APBB1IP: variants seen among roughly 807,000 people sequenced by gnomAD.
APBB1IP encodes the protein amyloid beta A4 precursor protein-binding family B member 1-interacting protein.
A neutral mutation model predicts 64.9 loss-of-function variants in APBB1IP; 27 were observed. That is an observed-to-expected ratio of 0.42 (90% CI 0.31 to 0.57). The LOEUF is 0.57. Ranked by LOEUF, APBB1IP falls within the 20% of genes least tolerant of loss-of-function variation. The pLI is 0.20. For synonymous variants in APBB1IP, 392 were observed against 331.0 expected, an observed-to-expected ratio of 1.18 and a Z score of -2.00; for missense variants, 812 against 845.5, an observed-to-expected ratio of 0.96 and a Z score of 0.49.
intron 7 of APBB1IP, 72 bp downstream of exon 7, chr10:26,511,978 T>C: frequency 1.3e-6 from 2 of 1,504,648 alleles, no homozygotes; most frequent in African/African-American, 1.4e-5. Flanking sequence ...GGCTTGGGTT[T>C]ATTCTTTTTT....
chr10:26,466,166 C>T (rs1233345656), intron 2 of APBB1IP, among the ~76,000 whole-genome samples: 1 of 152,166 alleles, frequency 6.6e-6, no homozygotes, highest in East Asian at 1.9e-4. Context: ...GTGATGAGAT[C>T]CCCTTCTACA....
intron 2 of APBB1IP, among the ~76,000 whole-genome samples, chr10:26,479,609 A>T (rs1445023234): frequency 6.6e-6 from 1 of 152,232 alleles, no homozygotes; most frequent in Non-Finnish European, 1.5e-5. Flanking sequence ...AACAATAAAA[A>T]TAAAAATTGA....
chr10:26,520,233 C>T (rs1836386799), intron 8 of APBB1IP, among the ~76,000 whole-genome samples: 1 of 152,186 alleles, frequency 6.6e-6, no homozygotes, highest in South Asian at 2.1e-4. Context: ...GAAAGCCCTC[C>T]TCAGAAGCTT....
chr10:26,535,436 A>G lies in APBB1IP; in HGVS notation c.901-638A>G, dbSNP rs560542266. Among the ~76,000 whole-genome samples, 26 of 152,294 alleles carry G rather than the reference A, an allele frequency of 1.7e-4. No homozygotes were observed. The South Asian group carries it at 5.4e-3, about 32-fold the overall frequency. On this transcript the variant is annotated intron_variant, in intron 9 of 14. Coordinates refer to ENST00000376236, the MANE Select transcript of APBB1IP (RefSeq NM_019043.4). ...GAATTGGGTATCCATCCTCTCAAGC[A>G]TTTGTCCTTTGTATTACAAACAATC...
intron 6 of APBB1IP, among the ~76,000 whole-genome samples, chr10:26,504,864 C>T (rs571019349): frequency 6.0e-4 from 92 of 152,300 alleles, no homozygotes; most frequent in African/African-American, 2.0e-3. Flanking sequence ...AAGCAATCCT[C>T]CTCCCTCAGC....
intron 2 of APBB1IP, among the ~76,000 whole-genome samples, chr10:26,471,828 G>C (rs1011915233): frequency 7.9e-5 from 12 of 152,106 alleles, no homozygotes; most frequent in African/African-American, 2.9e-4. Context: ...AGGATGACAG[G>C]CACGTGCCAC....
chr10:26,559,395 T>C (rs1458283863), intron 11 of APBB1IP, among the ~76,000 whole-genome samples: 1 of 144,910 alleles, frequency 6.9e-6, no homozygotes, highest in African/African-American at 2.7e-5. Flanking sequence ...GAGACTCCAA[T>C]TCTACCAAAA....
Position 26,567,191 on chromosome 10 carries a change from C to A in APBB1IP, c.1704C>A (p.Leu568=). 7.1e-7 allele frequency: 1 copy of A among 1,404,766 alleles called. No homozygotes were observed. The allele number at this position is 1,404,766 out of a possible 1,614,324, so 87.0% of individuals were successfully genotyped here. Reference sequence around the variant, plus strand: ...CGCCGCCCCTCGATGACCCTGAGCTCCCGCCGCCGCCCCCGGACTTCATGG... The same window carrying A: ...CGCCGCCCCTCGATGACCCTGAGCTACCGCCGCCGCCCCCGGACTTCATGG... ...PPPPPLDDPE[L]PPPPPDFMEP... is the part of the protein sequence containing the mutation. The change falls in exon 15 of 15, where the codon CTC becomes CTA. Residue 568 remains leucine (L), a synonymous_variant. Transcript: ENST00000376236.
At chr10:26,561,375 T>C (rs991639282) in intron 13 of APBB1IP, among the ~76,000 whole-genome samples, 111 of 148,968 alleles carry the variant, frequency 7.5e-4, no homozygotes, top group African/African-American at 2.7e-3. Flanking sequence ...GCCTGTTTTC[T>C]TTTTCTTCTT....
intron 11 of APBB1IP, among the ~76,000 whole-genome samples, chr10:26,555,420 C>T (rs762563593): frequency 4.6e-5 from 7 of 152,156 alleles, no homozygotes; most frequent in Admixed American, 6.5e-5. Flanking sequence ...AGCATTCTGT[C>T]GCTTCTTCCA....
intron 2 of APBB1IP, among the ~76,000 whole-genome samples, chr10:26,466,920 A>G (rs1371266507): frequency 6.6e-6 from 1 of 151,578 alleles, no homozygotes; most frequent in African/African-American, 2.4e-5. Flanking sequence ...TGGATGACAG[A>G]GCAAGACCCT....
At chr10:26,538,057 C>T (rs1220199287) in intron 10 of APBB1IP, among the ~76,000 whole-genome samples, 1 of 151,668 alleles carries the variant, frequency 6.6e-6, no homozygotes, top group African/African-American at 2.4e-5. Context: ...ATAAGTATAA[C>T]CAATAGAAAA....
chr10:26,500,623 A>G (rs1196287145), intron 4 of APBB1IP, among the ~76,000 whole-genome samples, 196 bp from the exon 5 acceptor site: 1 of 152,230 alleles, frequency 6.6e-6, no homozygotes, highest in Non-Finnish European at 1.5e-5. Flanking sequence ...TTAACCATGC[A>G]ACAAATGCAG....
At chr10:26,445,691 A>G (rs1465092195) in intron 2 of APBB1IP, among the ~76,000 whole-genome samples, 1 of 152,238 alleles carries the variant, frequency 6.6e-6, no homozygotes, top group Non-Finnish European at 1.5e-5. Flanking sequence ...GGAGGTTTCA[A>G]ATGTTTAGAA....
chr10:26,495,416 A>G (rs1160411962), intron 3 of APBB1IP, among the ~76,000 whole-genome samples: 1 of 151,136 alleles, frequency 6.6e-6, no homozygotes, highest in Non-Finnish European at 1.5e-5. Flanking sequence ...AAGTGTTCTG[A>G]TGGGTCAGAG....
chr10:26,477,021 G>A (rs1181593127), intron 2 of APBB1IP, among the ~76,000 whole-genome samples: 2 of 152,034 alleles, frequency 1.3e-5, no homozygotes, highest in Non-Finnish European at 1.5e-5. Flanking sequence ...GGCTGGTCTC[G>A]AACTCCTGAC....
chr10:26,479,465 T>C (rs974211706), intron 2 of APBB1IP, among the ~76,000 whole-genome samples: 3 of 152,210 alleles, frequency 2.0e-5, no homozygotes, highest in Non-Finnish European at 2.9e-5. Context: ...AGTGTATTTG[T>C]TATTAATCAC....
chr10:26,557,507 A>T (rs924312523), intron 11 of APBB1IP, among the ~76,000 whole-genome samples: 1 of 152,248 alleles, frequency 6.6e-6, no homozygotes, highest in East Asian at 1.9e-4. Context: ...AGGAATTTTT[A>T]AAAAATCATT....
At chr10:26,555,475 A>T (rs1244286306) in intron 11 of APBB1IP, among the ~76,000 whole-genome samples, 1 of 152,226 alleles carries the variant, frequency 6.6e-6, no homozygotes, top group Non-Finnish European at 1.5e-5. Context: ...TATGGAACAT[A>T]CTATTTCATA....
Sources: allele counts gnomAD v4.1 joint callset (sites outside exome capture counted in the v4.1 genomes callset), GRCh38; gene constraint gnomAD v4.1.1; transcripts MANE v1.5; gene names NCBI Gene and HGNC (gene_info 2026-07-23, HGNC 2026-07-21).